TBC1D23: variants seen among roughly 807,000 people sequenced by gnomAD.
The protein encoded by TBC1D23 is TBC1 domain family member 23.
In TBC1D23, 55 loss-of-function variants were observed where a neutral mutation model predicts 91.4. That is an observed-to-expected ratio of 0.60 (90% confidence interval 0.48 to 0.75). The LOEUF is 0.75. Ranked by LOEUF, TBC1D23 falls within the 30% of genes least tolerant of loss-of-function variation. The pLI is 0.00. For missense variants in TBC1D23, 725 were observed against 836.1 expected (o/e 0.87, Z 1.64); for synonymous variants, 289 against 281.0 (o/e 1.03, Z -0.28).
At chr3:100,271,167 AGAGTGGTCCCTATG>A (rs2067596228) in intron 1 of TBC1D23, among the ~76,000 whole-genome samples, 1 of 152,142 alleles carries the variant, frequency 6.6e-6, no homozygotes, top group Non-Finnish European at 1.5e-5. Flanking sequence ...GATGATACAG[AGAGTGGTCCCTATG>A]GAGTGGTGAG....
intron 17 of TBC1D23, 121 bp from the exon 18 acceptor site, chr3:100,320,655 CT>C: frequency 1.8e-6 from 1 of 545,638 alleles, no homozygotes. Flanking sequence ...CTGTTTATAT[CT>C]TTTAACTCAA....
intron 4 of TBC1D23, among the ~76,000 whole-genome samples, chr3:100,290,150 A>G (rs1397401325): frequency 1.3e-5 from 2 of 152,176 alleles, no homozygotes; most frequent in African/African-American, 2.4e-5. Flanking sequence ...TCACCTGCCC[A>G]TTTCAGACTT....
intron 17 of TBC1D23, among the ~76,000 whole-genome samples, chr3:100,320,413 G>A (rs780007257): frequency 6.6e-6 from 1 of 152,088 alleles, no homozygotes; most frequent in Non-Finnish European, 1.5e-5. Context: ...AGGATATGGT[G>A]CATTGAATGA....
intron 1 of TBC1D23, among the ~76,000 whole-genome samples, chr3:100,268,635 T>A (rs1177599213): frequency 6.6e-6 from 1 of 152,204 alleles, no homozygotes; most frequent in African/African-American, 2.4e-5. Context: ...TATCTCTCTC[T>A]CTTTGCTGTT....
At chr3:100,312,132 G>A (rs1705635284) in intron 15 of TBC1D23, among the ~76,000 whole-genome samples, 1 of 152,156 alleles carries the variant, frequency 6.6e-6, no homozygotes, top group African/African-American at 2.4e-5. Context: ...AATTAAGTTT[G>A]TTCAAAACCT....
chr3:100,306,791 C>T (rs1705525369), intron 13 of TBC1D23, among the ~76,000 whole-genome samples: 4 of 152,178 alleles, frequency 2.6e-5, no homozygotes, highest in African/African-American at 9.7e-5. Context: ...CTGCTGAATT[C>T]AAATTTCTCC....
intron 10 of TBC1D23, 104 bp downstream of exon 10, chr3:100,299,435 A>C (rs556117138): frequency 3.4e-6 from 2 of 580,556 alleles, no homozygotes; most frequent in South Asian, 4.6e-5. Context: ...CTTTCTGCTT[A>C]AGGAGGGAGT....
chr3:100,277,280 G>A (rs755935172), intron 1 of TBC1D23, among the ~76,000 whole-genome samples: 4 of 152,090 alleles, frequency 2.6e-5, no homozygotes, highest in Admixed American at 6.6e-5. Flanking sequence ...TTATATTGTC[G>A]AAGGTCTATT....
At chr3:100,318,590 A>G (rs1053288872) in intron 16 of TBC1D23, among the ~76,000 whole-genome samples, 8 of 151,756 alleles carry the variant, frequency 5.3e-5, no homozygotes, top group Non-Finnish European at 7.4e-5. Context: ...TAATATTTCT[A>G]TATTATCAGT....
At chr3:100,274,287 T>C (rs2067626911) in intron 1 of TBC1D23, among the ~76,000 whole-genome samples, 1 of 152,180 alleles carries the variant, frequency 6.6e-6, no homozygotes, top group Admixed American at 6.5e-5. Flanking sequence ...AAGATAAGCA[T>C]TGTGGTGCTT....
At chr3:100,301,271 T>TAAAAA (rs1705422836) in intron 10 of TBC1D23, among the ~76,000 whole-genome samples, 1 of 28,940 alleles carries the variant, frequency 3.5e-5, no homozygotes, top group South Asian at 1.1e-3. Context: ...AGATTCCGTC[T>TAAAAA]CAAAAAAAAA....
chr3:100,319,221 C>A lies in TBC1D23; in HGVS notation c.1823+17C>A, dbSNP rs1244306167. On this transcript the variant is annotated intron_variant, in intron 17 of 18. Coordinates refer to ENST00000394144, the MANE Select transcript of TBC1D23 (RefSeq NM_001199198.3). ...GTTTCCCAGGTACTTTTAAAAATGTCTTCATAAGAAGTAAAATTGAATTTG... is the reference window on the plus strand; with the variant it reads ...GTTTCCCAGGTACTTTTAAAAATGTATTCATAAGAAGTAAAATTGAATTTG... 3 of 1,588,222 alleles carry A rather than the reference C, an allele frequency of 1.9e-6. No homozygotes were observed. Among genetic ancestry groups the A allele is most frequent in the South Asian group, 2.3e-5 (2 of 85,840 alleles).
chr3:100,261,203 C>A, intron 1 of TBC1D23, 132 bp downstream of exon 1: 1 of 820,336 alleles, frequency 1.2e-6, no homozygotes, highest in Non-Finnish European at 2.0e-6. Context: ...CGGTGCCCTG[C>A]CCTACCCCTC....
chr3:100,303,651 G>T (rs1313014377), intron 11 of TBC1D23, among the ~76,000 whole-genome samples: 2 of 152,126 alleles, frequency 1.3e-5, no homozygotes, highest in Non-Finnish European at 2.9e-5. Flanking sequence ...CTCACCTGTA[G>T]TCCAAGCTAC....
chr3:100,308,910 A>G (rs1705567306), intron 13 of TBC1D23, among the ~76,000 whole-genome samples: 1 of 152,208 alleles, frequency 6.6e-6, no homozygotes, highest in African/African-American at 2.4e-5. Flanking sequence ...TATATGAGCA[A>G]TCCCATGAAA....
rs547226047 is a variant in TBC1D23, at chr3:100,280,969, G to A, written c.166-773G>A. Among the ~76,000 whole-genome samples, 30 of 152,260 alleles carry A rather than the reference G, an allele frequency of 2.0e-4. No individual in the cohort carries two copies. The East Asian group carries it at 5.8e-3, about 29-fold the overall frequency. On this transcript the variant is annotated intron_variant, in intron 2 of 18. Coordinates refer to ENST00000394144, the MANE Select transcript of TBC1D23 (RefSeq NM_001199198.3). The stretch of plus-strand genomic sequence containing the variant: ...GAGGTTAGGAGTTTGAGACCAGCCT[G>A]GCCAACATGGTGAATCCCCATCTCT...
chr3:100,295,420 C>T (rs1296271900), intron 7 of TBC1D23, 72 bp downstream of exon 7: 6 of 1,295,258 alleles, frequency 4.6e-6, no homozygotes, highest in Admixed American at 2.5e-5. Flanking sequence ...TTTCCTCATT[C>T]GTAAATTTAG....
At chr3:100,288,104 G>T (rs2067760114) in intron 4 of TBC1D23, among the ~76,000 whole-genome samples, 1 of 151,618 alleles carries the variant, frequency 6.6e-6, no homozygotes, top group African/African-American at 2.4e-5. Context: ...AATTAGCCAG[G>T]CATGAGGGCA....
chr3:100,313,031 T>TATA (rs1023283305), intron 15 of TBC1D23, among the ~76,000 whole-genome samples: 5 of 150,984 alleles, frequency 3.3e-5, no homozygotes, highest in Non-Finnish European at 5.9e-5. Flanking sequence ...ATAATAATAA[T>TATA]ATAATAATAA....
Sources: allele counts gnomAD v4.1 joint callset (sites outside exome capture counted in the v4.1 genomes callset), GRCh38; gene constraint gnomAD v4.1.1; transcripts MANE v1.5; gene names NCBI Gene and HGNC (gene_info 2026-07-23, HGNC 2026-07-21).